Variants in RGS6 observed in about 807,000 individuals in gnomAD.
RGS6 encodes regulator of G-protein signaling 6.
Under a neutral mutation model 78.5 loss-of-function variants are expected in RGS6, and 30 were observed. That is an observed-to-expected ratio of 0.38 (90% CI 0.29 to 0.52). RGS6 has a LOEUF of 0.52. RGS6 is among the 20% of genes least tolerant of loss of function. RGS6 has a pLI of 0.85. For missense variants in RGS6, 495 were observed against 609.7 expected, an observed-to-expected ratio of 0.81 and a Z score of 1.98; for synonymous variants, 206 against 206.0, an observed-to-expected ratio of 1.00 and a Z score of 0.00.
At chr14:71,924,580 G>A in the RGS6 span, among the ~76,000 whole-genome samples, 3 of 152,054 alleles carry the variant, frequency 2.0e-5, 1 homozygote, top group South Asian at 4.2e-4. Context: ...GGTAACCACT[G>A]TTATGCTGTC....
At chr14:72,621,672 G>C in the RGS6 span, among the ~76,000 whole-genome samples, 1 of 152,200 alleles carries the variant, frequency 6.6e-6, no homozygotes, top group South Asian at 2.1e-4. Context: ...CATTCAAGAG[G>C]CCCGGGGACC....
intron 2 of RGS6, among the ~76,000 whole-genome samples, chr14:72,142,442 CTGCGT>C (rs2096553178): frequency 6.6e-6 from 1 of 152,220 alleles, no homozygotes; most frequent in Non-Finnish European, 1.5e-5. Flanking sequence ...GTCCCCTTCT[CTGCGT>C]CATTGCTTCG....
chr14:72,188,776 T>G (rs540464966), intron 2 of RGS6, among the ~76,000 whole-genome samples: 3 of 152,300 alleles, frequency 2.0e-5, no homozygotes. Context: ...AGCAGCTCTC[T>G]TCAAGCATAG....
chr14:72,484,515 A>G (rs1343004563), intron 12 of RGS6, among the ~76,000 whole-genome samples: 1 of 151,804 alleles, frequency 6.6e-6, no homozygotes, highest in African/African-American at 2.4e-5. Context: ...CCAACTTGTC[A>G]TAGTTTTGTG....
chr14:72,113,857 G>A (rs577393375), intron 2 of RGS6, among the ~76,000 whole-genome samples: 14 of 152,300 alleles, frequency 9.2e-5, no homozygotes, highest in African/African-American at 2.9e-4. Context: ...TGCTCATAAT[G>A]AGGCTATGGC....
intron 2 of RGS6, among the ~76,000 whole-genome samples, chr14:72,258,528 TG>T (rs1054997099): frequency 2.0e-5 from 3 of 152,332 alleles, no homozygotes; most frequent in African/African-American, 7.2e-5. Flanking sequence ...TACCCAAGTC[TG>T]GGTTGCGTCT....
chr14:72,503,767 C>T (rs1238545697), intron 13 of RGS6, among the ~76,000 whole-genome samples: 1 of 152,216 alleles, frequency 6.6e-6, no homozygotes, highest in East Asian at 1.9e-4. Context: ...GAGTCATACA[C>T]CCATGGCTTT....
the RGS6 span, among the ~76,000 whole-genome samples, chr14:72,601,804 G>A: frequency 1.3e-5 from 2 of 152,148 alleles, no homozygotes; most frequent in African/African-American, 2.4e-5. Flanking sequence ...CTCCACATAG[G>A]TGCCTGACAT....
intron 2 of RGS6, among the ~76,000 whole-genome samples, chr14:72,246,382 C>T (rs2054220712): frequency 6.6e-6 from 1 of 152,128 alleles, no homozygotes; most frequent in Non-Finnish European, 1.5e-5. Flanking sequence ...CTTTTGTGTG[C>T]AGATCTTTCT....
At chr14:71,956,459 C>T (rs2092801932) in intron 1 of RGS6, among the ~76,000 whole-genome samples, 1 of 151,362 alleles carries the variant, frequency 6.6e-6, no homozygotes, top group Non-Finnish European at 1.5e-5. Context: ...TCACAAGGTC[C>T]CACAAGAGGC....
intron 3 of RGS6, among the ~76,000 whole-genome samples, chr14:72,436,623 G>A (rs1256359762): frequency 2.0e-5 from 3 of 152,146 alleles, no homozygotes; most frequent in African/African-American, 7.2e-5. Context: ...TTCTAGTCCT[G>A]ATTAGCTCAA....
At chr14:72,514,796 C>A (rs539031453) in intron 14 of RGS6, among the ~76,000 whole-genome samples, 2 of 152,332 alleles carry the variant, frequency 1.3e-5, no homozygotes, top group East Asian at 3.9e-4. Context: ...GCTGGCATTT[C>A]ACTCCCTGCC....
chr14:72,243,361 G>A (rs894524416), intron 2 of RGS6, among the ~76,000 whole-genome samples: 2 of 151,760 alleles, frequency 1.3e-5, no homozygotes, highest in Admixed American at 6.6e-5. Context: ...CTTGACTTTT[G>A]TCGCCACCCT....
chr14:72,178,022 G>T (rs1415097478), intron 2 of RGS6, among the ~76,000 whole-genome samples: 1 of 152,156 alleles, frequency 6.6e-6, no homozygotes, highest in African/African-American at 2.4e-5. Context: ...TCCCATAGGT[G>T]CTAGTCTGTT....
intron 13 of RGS6, among the ~76,000 whole-genome samples, chr14:72,500,349 A>G (rs984188920): frequency 6.6e-6 from 1 of 152,102 alleles, no homozygotes; most frequent in African/African-American, 2.4e-5. Context: ...GACTACTCCT[A>G]CCCACTTAGT....
chr14:71,941,206 G>A (rs181973127), intron 1 of RGS6, among the ~76,000 whole-genome samples: 15 of 152,252 alleles, frequency 9.9e-5, no homozygotes, highest in African/African-American at 2.6e-4. Context: ...GTACAGAGTC[G>A]CTAAACTCCC....
chr14:72,397,865 G>C (rs373317756), intron 3 of RGS6, among the ~76,000 whole-genome samples: 2 of 152,076 alleles, frequency 1.3e-5, no homozygotes, highest in Non-Finnish European at 1.5e-5. Flanking sequence ...ATTGATTTTC[G>C]TATGTTGAAC....
intron 2 of RGS6, among the ~76,000 whole-genome samples, chr14:72,304,619 G>A (rs966592932): frequency 2.6e-5 from 4 of 152,200 alleles, no homozygotes; most frequent in African/African-American, 9.7e-5. Flanking sequence ...GCTCACACCT[G>A]TAATTCCAGC....
chr14:72,396,388 T>G (rs1472113453), intron 3 of RGS6, among the ~76,000 whole-genome samples: 1 of 152,188 alleles, frequency 6.6e-6, no homozygotes, highest in African/African-American at 2.4e-5. Flanking sequence ...TGGGGTTGTT[T>G]GTTTTTTTCC....
Sources: allele counts gnomAD v4.1 joint callset (sites outside exome capture counted in the v4.1 genomes callset), GRCh38; gene constraint gnomAD v4.1.1; transcripts MANE v1.5; gene names NCBI Gene and HGNC (gene_info 2026-07-23, HGNC 2026-07-21).